The following ULK4 variants were observed in gnomAD, a reference collection of about 807,000 sequenced individuals.
ULK4 encodes inactive serine/threonine-protein kinase ULK4.
A neutral mutation model predicts 160.6 loss-of-function variants in ULK4; 133 were observed. The observed-to-expected ratio is 0.83, with a 90% CI of 0.72 to 0.96. The LOEUF is 0.96. ULK4 is among the 40% of genes least tolerant of loss of function. The pLI is 0.00. For synonymous variants in ULK4, 534 were observed against 539.8 expected (o/e 0.99, Z 0.15); for missense variants, 1,580 against 1,499.5 (o/e 1.05, Z -0.89).
At chr3:41,383,023 A>G (rs1293397767) in intron 35 of ULK4, among the ~76,000 whole-genome samples, 1 of 152,134 alleles carries the variant, frequency 6.6e-6, no homozygotes, top group Non-Finnish European at 1.5e-5. Flanking sequence ...GTAGGCTTTC[A>G]TAAGAGAAGG....
intron 30 of ULK4, among the ~76,000 whole-genome samples, chr3:41,639,762 T>C (rs978225968): frequency 1.3e-5 from 2 of 152,210 alleles, no homozygotes; most frequent in Non-Finnish European, 2.9e-5. Context: ...AAAGTATATA[T>C]TGCCCACCAT....
rs146121847 is a variant in ULK4 at position 41,582,089 on chromosome 3, G to T, written c.3121-15959C>A. On this transcript the variant is annotated intron_variant, in intron 31 of 36. Coordinates refer to ENST00000301831, the MANE Select transcript of ULK4 (RefSeq NM_017886.4). ...CATAATTCCCACGTGTTTTGGGAGG[G>T]ACCCAGTGGGAGATAATTGAATCAT... is the stretch of plus-strand genomic sequence containing the variant. Among the ~76,000 whole-genome samples the T allele has an allele frequency of 1.4e-3, 213 of 152,264 alleles. 1 individual carries two copies. Among genetic ancestry groups the T allele is most frequent in the African/African-American group, 4.9e-3 (202 of 41,554 alleles).
chr3:41,332,858 C>T (rs1253969973), intron 35 of ULK4, among the ~76,000 whole-genome samples: 2 of 152,182 alleles, frequency 1.3e-5, no homozygotes, highest in East Asian at 3.9e-4. Context: ...TCTTTATGTT[C>T]AGGAGTACCC....
At chr3:41,544,202 T>C (rs1362299064) in intron 32 of ULK4, among the ~76,000 whole-genome samples, 2 of 36,536 alleles carry the variant, frequency 5.5e-5, no homozygotes, top group Non-Finnish European at 1.3e-4. Flanking sequence ...GCTATTTTAT[T>C]GTTGTTTGTT....
intron 16 of ULK4, among the ~76,000 whole-genome samples, chr3:41,894,155 T>A (rs1006269957): frequency 6.6e-6 from 1 of 152,238 alleles, no homozygotes; most frequent in Non-Finnish European, 1.5e-5. Flanking sequence ...TTGGAAATGA[T>A]CTGGAATGTC....
At chr3:41,330,100 G>A (rs1331038660) in intron 35 of ULK4, among the ~76,000 whole-genome samples, 1 of 152,154 alleles carries the variant, frequency 6.6e-6, no homozygotes, top group Non-Finnish European at 1.5e-5. Flanking sequence ...CTGTCGCTGA[G>A]CTTTCTGCAC....
At chr3:41,447,232 C>G (rs187133449) in intron 34 of ULK4, among the ~76,000 whole-genome samples, 11 of 152,116 alleles carry the variant, frequency 7.2e-5, no homozygotes, top group African/African-American at 2.4e-4. Flanking sequence ...GCCTATCGGT[C>G]TGTCCCATTG....
intron 27 of ULK4, among the ~76,000 whole-genome samples, chr3:41,690,853 C>G (rs1003281726): frequency 2.0e-4 from 30 of 152,028 alleles, no homozygotes; most frequent in Middle Eastern, 3.4e-3. Context: ...AAGGGGGGTA[C>G]TTCCCTCATA....
At chr3:41,688,955 G>A (rs776726554) in intron 27 of ULK4, among the ~76,000 whole-genome samples, 5 of 152,162 alleles carry the variant, frequency 3.3e-5, no homozygotes, top group Non-Finnish European at 7.3e-5. Context: ...CCATTAGCCT[G>A]GGATGGTTAG....
intron 35 of ULK4, among the ~76,000 whole-genome samples, chr3:41,351,586 T>C (rs1559539114): frequency 1.3e-5 from 2 of 152,180 alleles, no homozygotes; most frequent in Non-Finnish European, 1.5e-5. Context: ...AAGATACAAA[T>C]TGTAGCACTC....
At chr3:41,717,184 G>A (rs971966085) in intron 23 of ULK4, among the ~76,000 whole-genome samples, 15 of 151,818 alleles carry the variant, frequency 9.9e-5, no homozygotes, top group South Asian at 8.3e-4. Flanking sequence ...GGTGGGTGAC[G>A]GACACCCTAA....
chr3:41,551,412 C>A (rs55807022), intron 32 of ULK4, among the ~76,000 whole-genome samples: 2 of 144,970 alleles, frequency 1.4e-5, no homozygotes, highest in Admixed American at 6.7e-5. Flanking sequence ...GAAGAAGATC[C>A]AAATAAAATC....
At chr3:41,912,499 A>G (rs1212286537) in intron 9 of ULK4, among the ~76,000 whole-genome samples, 1 of 152,204 alleles carries the variant, frequency 6.6e-6, no homozygotes, top group East Asian at 1.9e-4. Flanking sequence ...GACCACACCT[A>G]ACATAAAGAG....
intron 34 of ULK4, among the ~76,000 whole-genome samples, chr3:41,417,671 G>C (rs2082558359): frequency 6.6e-6 from 1 of 152,114 alleles, no homozygotes; most frequent in South Asian, 2.1e-4. Context: ...AGGAACAAGA[G>C]AAAAGGCAGG....
At chr3:41,477,067 A>C (rs950227945) in intron 32 of ULK4, among the ~76,000 whole-genome samples, 1 of 152,204 alleles carries the variant, frequency 6.6e-6, no homozygotes, top group Admixed American at 6.5e-5. Flanking sequence ...TGCTACCACA[A>C]CAATTTCTTA....
intron 17 of ULK4, among the ~76,000 whole-genome samples, chr3:41,837,801 TCCAC>T (rs2041803958): frequency 6.6e-6 from 1 of 152,026 alleles, no homozygotes; most frequent in South Asian, 2.1e-4. Flanking sequence ...CTTCAAGTGA[TCCAC>T]CCACCTCAGC....
At chr3:41,291,700 G>C (rs1005566133) in intron 35 of ULK4, among the ~76,000 whole-genome samples, 3 of 152,294 alleles carry the variant, frequency 2.0e-5, no homozygotes, top group African/African-American at 7.2e-5. Context: ...ACATTGTTAA[G>C]TCTCAAAAAT....
chr3:41,489,974 A>T (rs2084689580), intron 32 of ULK4, among the ~76,000 whole-genome samples: 1 of 152,216 alleles, frequency 6.6e-6, no homozygotes. Context: ...AGCAACAGTC[A>T]AAAGGCATAA....
At chr3:41,613,955 T>C (rs2032831819) in intron 31 of ULK4, among the ~76,000 whole-genome samples, 1 of 152,242 alleles carries the variant, frequency 6.6e-6, no homozygotes, top group Admixed American at 6.5e-5. Context: ...CCATTCCCTA[T>C]GACAGCTATA....
Sources: allele counts gnomAD v4.1 joint callset (sites outside exome capture counted in the v4.1 genomes callset), GRCh38; gene constraint gnomAD v4.1.1; transcripts MANE v1.5; gene names NCBI Gene and HGNC (gene_info 2026-07-23, HGNC 2026-07-21).